Variants in TUSC3 observed in about 807,000 individuals in gnomAD.
The protein encoded by TUSC3 is dolichyl-diphosphooligosaccharide--protein glycosyltransferase subunit TUSC3.
TUSC3 carries 45 observed loss-of-function variants against 44.8 expected under a neutral mutation model. The observed-to-expected ratio is 1.00, with a 90% CI of 0.79 to 1.29. The LOEUF (loss-of-function observed/expected upper bound fraction) is 1.29, where lower values mean the gene tolerates loss of function less well. Ranked by LOEUF, TUSC3 falls within the 50% of genes most tolerant of loss-of-function variation. The pLI, the probability that TUSC3 is intolerant of heterozygous loss-of-function variation, is 0.00. For missense variants in TUSC3, 519 were observed against 437.9 expected, an observed-to-expected ratio of 1.19 and a Z score of -1.65; for synonymous variants, 212 against 152.9, an observed-to-expected ratio of 1.39 and a Z score of -2.85.
At chr8:15,614,417 A>G (rs980593874) in intron 1 of TUSC3, among the ~76,000 whole-genome samples, 2 of 152,188 alleles carry the variant, frequency 1.3e-5, no homozygotes, top group Non-Finnish European at 2.9e-5. Flanking sequence ...TTATCTCTTC[A>G]GTAAGATATT....
Position 15,419,732 on chromosome 8 carries a change from T to G in TUSC3, n.91+2427T>G, listed in dbSNP as rs114403949. 3.0e-3 allele frequency among the ~76,000 whole-genome samples: 452 copies of G among 152,324 alleles called. 1 individual carries two copies. The highest frequency in any genetic ancestry group is 0.01 in the African/African-American group (420 of 41,580). ...CTCTATGACTTTATACAGCTTGTCT[T>G]TGGCATAAACTAAGTCTCAGTTTCC... On this transcript the variant is annotated intron_variant and non_coding_transcript_variant, in intron 1 of 5. Coordinates refer to the TUSC3 transcript ENST00000503191.
chr8:15,489,639 A>G (rs995450389), intron 2 of TUSC3, among the ~76,000 whole-genome samples: 9 of 152,304 alleles, frequency 5.9e-5, no homozygotes, highest in Middle Eastern at 3.4e-3. Flanking sequence ...TACTACAGTT[A>G]CATTGGAATT....
At chr8:15,570,743 C>T (rs1029358878) in intron 1 of TUSC3, among the ~76,000 whole-genome samples, 3 of 151,812 alleles carry the variant, frequency 2.0e-5, no homozygotes, top group Admixed American at 6.6e-5. Flanking sequence ...GTAATTGGGC[C>T]AGTATTCAAA....
chr8:15,626,857 G>A (rs1163837758), intron 2 of TUSC3, among the ~76,000 whole-genome samples: 1 of 152,174 alleles, frequency 6.6e-6, no homozygotes, highest in Non-Finnish European at 1.5e-5. Context: ...TCTGGTTTTG[G>A]CCTGCAGGTG....
At chr8:15,447,595 T>G (rs960846601) in intron 1 of TUSC3, among the ~76,000 whole-genome samples, 1 of 151,748 alleles carries the variant, frequency 6.6e-6, no homozygotes, top group Admixed American at 6.6e-5. Context: ...AAAATAGATT[T>G]GACACAAAGA....
At chr8:15,733,868 A>G (rs1304232318) in intron 7 of TUSC3, among the ~76,000 whole-genome samples, 1 of 152,090 alleles carries the variant, frequency 6.6e-6, no homozygotes, top group Non-Finnish European at 1.5e-5. Context: ...AGTAGGGGGA[A>G]TCCTGTCTCT....
chr8:15,525,561 A>C lies in TUSC3; in HGVS notation n.189+42078A>C, dbSNP rs75458614. 1.1e-4 allele frequency among the ~76,000 whole-genome samples: 17 copies of C among 152,306 alleles called. No individual in the cohort carries two copies. In the East Asian group the frequency reaches 3.1e-3, roughly 28 times the overall value. On this transcript the variant is annotated intron_variant and non_coding_transcript_variant, in intron 2 of 5. Transcript: ENST00000503191. Reference sequence around the variant, plus strand: ...AACAAAAGCTCTTTGGCTCCTCATTAATTTTCAAGAGTGTAAAGTGGTCCT... The same window carrying C: ...AACAAAAGCTCTTTGGCTCCTCATTCATTTTCAAGAGTGTAAAGTGGTCCT...
At chr8:15,782,464 G>T in the TUSC3 span, among the ~76,000 whole-genome samples, 1 of 152,144 alleles carries the variant, frequency 6.6e-6, no homozygotes, top group Non-Finnish European at 1.5e-5. Context: ...TGGTGACACA[G>T]TGAGACCCTG....
chr8:15,478,950 C>G (rs1025667401), intron 1 of TUSC3, among the ~76,000 whole-genome samples: 1 of 152,060 alleles, frequency 6.6e-6, no homozygotes, highest in Non-Finnish European at 1.5e-5. Context: ...ACTGTTGTTT[C>G]TTGACTTTTT....
At chr8:15,750,723 T>A (rs1811661621) in intron 9 of TUSC3, among the ~76,000 whole-genome samples, 1 of 152,172 alleles carries the variant, frequency 6.6e-6, no homozygotes, top group Admixed American at 6.5e-5. Context: ...CTTACGTTAT[T>A]TCTGTGTGAA....
At position 15,748,404 on chromosome 8, in the gene TUSC3, G is replaced by GTCT. The variant is rs762962064; in HGVS notation, c.976_978dup (p.Phe326dup). 5.0e-6 allele frequency: 8 copies of GTCT among 1,613,350 alleles called. No individual in the cohort carries two copies. Among genetic ancestry groups the GTCT allele is most frequent in the South Asian group, 4.4e-5 (4 of 91,076 alleles). ...TTGCCTAGTGGGATTGGGCCTGGTG[G>GTCT]TCTTCTTCTTCAGTTTTCTACTTTC... On this transcript the variant is annotated inframe_insertion, in exon 9 of 11. Coordinates refer to ENST00000503731, the MANE Select transcript of TUSC3 (RefSeq NM_006765.4).
intron 3 of TUSC3, among the ~76,000 whole-genome samples, chr8:15,655,742 C>T (rs568727115): frequency 6.6e-6 from 1 of 152,184 alleles, no homozygotes; most frequent in Non-Finnish European, 1.5e-5. Flanking sequence ...CCACTGCTAA[C>T]ACTAATATAT....
chr8:15,693,441 CTTTTTTTTTTTTT>C (rs35915071), intron 6 of TUSC3, among the ~76,000 whole-genome samples: 6 of 96,894 alleles, frequency 6.2e-5, no homozygotes, highest in African/African-American at 2.0e-4. Context: ...GTTGGAAGTT[CTTTTTTTTTTTTT>C]TTTTTTTTTT....
chr8:15,420,313 A>T (rs1281252393), intron 1 of TUSC3, among the ~76,000 whole-genome samples: 1 of 152,196 alleles, frequency 6.6e-6, no homozygotes, highest in Admixed American at 6.5e-5. Flanking sequence ...CCTGGCCAAC[A>T]TGGGGAAACC....
chr8:15,437,006 C>A (rs911936910), intron 1 of TUSC3, among the ~76,000 whole-genome samples: 1 of 152,100 alleles, frequency 6.6e-6, no homozygotes, highest in Non-Finnish European at 1.5e-5. Flanking sequence ...AAAATTGATG[C>A]ATGAACACAG....
the TUSC3 span, among the ~76,000 whole-genome samples, chr8:15,801,486 C>G: frequency 4.6e-5 from 7 of 151,714 alleles, no homozygotes; most frequent in African/African-American, 9.7e-5. Flanking sequence ...TTTGTTAAAA[C>G]TTTTTAATTA....
At chr8:15,424,606 T>C (rs62500489) in intron 1 of TUSC3, among the ~76,000 whole-genome samples, 13,573 of 152,180 alleles carry the variant, frequency 0.089, 595 homozygotes, top group South Asian at 0.12. Flanking sequence ...AGTGGCTGGA[T>C]GCGGTGGCTT....
At chr8:15,810,931 C>G in the TUSC3 span, among the ~76,000 whole-genome samples, 1 of 152,138 alleles carries the variant, frequency 6.6e-6, no homozygotes, top group Non-Finnish European at 1.5e-5. Flanking sequence ...CAGGGCCCAT[C>G]CAGGCAGATG....
chr8:15,834,039 A>G, the TUSC3 span, among the ~76,000 whole-genome samples: 1 of 151,898 alleles, frequency 6.6e-6, no homozygotes, highest in Non-Finnish European at 1.5e-5. Flanking sequence ...CATACTATTT[A>G]TGAGTATCAC....
Sources: allele counts gnomAD v4.1 joint callset (sites outside exome capture counted in the v4.1 genomes callset), GRCh38; gene constraint gnomAD v4.1.1; transcripts MANE v1.5; gene names NCBI Gene and HGNC (gene_info 2026-07-23, HGNC 2026-07-21).